EEFSEC: variants seen among roughly 807,000 people sequenced by gnomAD.
EEFSEC encodes the protein eukaryotic elongation factor, selenocysteine-tRNA specific.
In EEFSEC, 43 loss-of-function variants were observed where a neutral mutation model predicts 42.1. That is an observed-to-expected ratio of 1.02 (90% CI 0.80 to 1.32). EEFSEC has a LOEUF of 1.32. Ranked by LOEUF, EEFSEC falls within the 40% of genes most tolerant of loss-of-function variation. EEFSEC has a pLI of 0.00. For synonymous variants in EEFSEC, 354 were observed against 339.1 expected, an observed-to-expected ratio of 1.04 and a Z score of -0.48; for missense variants, 745 against 803.6, an observed-to-expected ratio of 0.93 and a Z score of 0.88.
intron 4 of EEFSEC, among the ~76,000 whole-genome samples, chr3:128,272,399 C>T (rs1403076171): frequency 1.3e-5 from 2 of 152,190 alleles, no homozygotes; most frequent in Non-Finnish European, 2.9e-5. Context: ...CAGCTTTTCT[C>T]CTTCACTGGA....
chr3:128,399,432 G>A (rs1008106073), intron 6 of EEFSEC, among the ~76,000 whole-genome samples: 2 of 152,252 alleles, frequency 1.3e-5, no homozygotes, highest in East Asian at 1.9e-4. Flanking sequence ...CGAAGGGCCC[G>A]CTCCGCCGCC....
intron 4 of EEFSEC, among the ~76,000 whole-genome samples, chr3:128,276,607 G>A (rs950362810): frequency 6.6e-6 from 1 of 152,190 alleles, no homozygotes; most frequent in Non-Finnish European, 1.5e-5. Context: ...TTCATTCAGC[G>A]CATAGTCTTG....
At chr3:128,391,670 T>C (rs2067914746) in intron 6 of EEFSEC, among the ~76,000 whole-genome samples, 1 of 152,252 alleles carries the variant, frequency 6.6e-6, no homozygotes, top group South Asian at 2.1e-4. Context: ...CACCCGTTCC[T>C]ATCAGGTGCT....
intron 1 of EEFSEC, among the ~76,000 whole-genome samples, chr3:128,220,240 A>G (rs1265184368): frequency 1.3e-5 from 2 of 152,234 alleles, no homozygotes; most frequent in Admixed American, 1.3e-4. Flanking sequence ...AAGGTGCCTG[A>G]GTTCCTTTCA....
chr3:128,231,685 G>A (rs1227303750), intron 1 of EEFSEC, among the ~76,000 whole-genome samples: 3 of 152,056 alleles, frequency 2.0e-5, no homozygotes, highest in African/African-American at 7.2e-5. Context: ...GATCCAAGGT[G>A]GACTCAGTGT....
At position 128,390,330 on chromosome 3, in the gene EEFSEC, T is replaced by G. The variant is rs534886199; in HGVS notation, c.1601-17739T>G. Among the ~76,000 whole-genome samples, 3 of 152,196 alleles carry G rather than the reference T, an allele frequency of 2.0e-5. No individual in the cohort carries two copies. In the South Asian group the frequency reaches 6.2e-4, roughly 32 times the overall value. On this transcript the variant is annotated intron_variant, in intron 6 of 6. Transcript: ENST00000254730. ...GGCATTTGCTGGGGAGAGCTGGCTGTGAGATGGGCATGGGCCCAGGAACAA... is the reference window on the plus strand; with the variant it reads ...GGCATTTGCTGGGGAGAGCTGGCTGGGAGATGGGCATGGGCCCAGGAACAA...
chr3:128,303,870 GTA>G (rs893217274), intron 4 of EEFSEC, among the ~76,000 whole-genome samples: 1 of 152,138 alleles, frequency 6.6e-6, no homozygotes, highest in Non-Finnish European at 1.5e-5. Flanking sequence ...AGAAAGCACA[GTA>G]TCTAACTTTA....
chr3:128,206,424 T>C (rs955461959), intron 1 of EEFSEC, among the ~76,000 whole-genome samples: 1 of 152,144 alleles, frequency 6.6e-6, no homozygotes, highest in Non-Finnish European at 1.5e-5. Context: ...GGAAGGGGTG[T>C]TGGGAAAGGT....
chr3:128,391,249 G>A (rs933202663), intron 6 of EEFSEC, among the ~76,000 whole-genome samples: 4 of 152,276 alleles, frequency 2.6e-5, no homozygotes, highest in Non-Finnish European at 2.9e-5. Flanking sequence ...CTAAAGCAGT[G>A]GCTGGTGCTG....
intron 4 of EEFSEC, among the ~76,000 whole-genome samples, chr3:128,300,887 C>T (rs2066759958): frequency 6.6e-6 from 1 of 151,526 alleles, no homozygotes; most frequent in African/African-American, 2.4e-5. Context: ...ACAAGTAGGA[C>T]TATACTGTGC....
At chr3:128,244,125 A>G (rs1157455817) in intron 1 of EEFSEC, among the ~76,000 whole-genome samples, 1 of 152,126 alleles carries the variant, frequency 6.6e-6, no homozygotes, top group Non-Finnish European at 1.5e-5. Flanking sequence ...TTCTGCTGTG[A>G]AGGTGGAGAC....
At chr3:128,404,692 G>A (rs191773872) in intron 6 of EEFSEC, among the ~76,000 whole-genome samples, 234 of 152,162 alleles carry the variant, frequency 1.5e-3, no homozygotes, top group African/African-American at 5.5e-3. Context: ...CATCCCAAGC[G>A]GGGGGCAGAC....
At chr3:128,355,259 G>A (rs996737508) in intron 5 of EEFSEC, among the ~76,000 whole-genome samples, 1 of 152,186 alleles carries the variant, frequency 6.6e-6, no homozygotes, top group African/African-American at 2.4e-5. Context: ...ATAGTGGCCA[G>A]GCTCTCAGAA....
chr3:128,394,019 C>T (rs7614546), intron 6 of EEFSEC, among the ~76,000 whole-genome samples: 4 of 70,524 alleles, frequency 5.7e-5, no homozygotes, highest in East Asian at 3.9e-4. Flanking sequence ...GTGGCGGGGG[C>T]GGGGGGTGCG....
chr3:128,413,509 G>A (rs910735080), downstream of EEFSEC, among the ~76,000 whole-genome samples: 1 of 152,140 alleles, frequency 6.6e-6, no homozygotes, highest in Non-Finnish European at 1.5e-5. Context: ...CTGTCGGGCC[G>A]GCCCCGAACC....
At chr3:128,393,822 G>A (rs1465555983) in intron 6 of EEFSEC, among the ~76,000 whole-genome samples, 2 of 152,260 alleles carry the variant, frequency 1.3e-5, no homozygotes, top group Non-Finnish European at 2.9e-5. Context: ...TGAGGTAGGT[G>A]CAGGGCCAGG....
intron 1 of EEFSEC, among the ~76,000 whole-genome samples, chr3:128,194,880 T>A (rs2065565988): frequency 6.6e-6 from 1 of 152,234 alleles, no homozygotes; most frequent in African/African-American, 2.4e-5. Flanking sequence ...GACTTTTAAT[T>A]TCCTTTTATA....
At chr3:128,399,225 A>G (rs1360046731) in intron 6 of EEFSEC, among the ~76,000 whole-genome samples, 1 of 152,182 alleles carries the variant, frequency 6.6e-6, no homozygotes, top group Non-Finnish European at 1.5e-5. Context: ...AGATTTCTGC[A>G]AAGGGCCCTT....
intron 1 of EEFSEC, among the ~76,000 whole-genome samples, chr3:128,219,805 AATG>A (rs1313542531): frequency 1.3e-5 from 2 of 151,978 alleles, no homozygotes; most frequent in African/African-American, 4.8e-5. Flanking sequence ...CTCTTGGCTA[AATG>A]AATATCGAAA....
Sources: allele counts gnomAD v4.1 joint callset (sites outside exome capture counted in the v4.1 genomes callset), GRCh38; gene constraint gnomAD v4.1.1; transcripts MANE v1.5; gene names NCBI Gene and HGNC (gene_info 2026-07-23, HGNC 2026-07-21).